Variants in ZFAT observed in about 807,000 individuals in gnomAD.
ZFAT encodes zinc finger and AT-hook domain containing.
Under a neutral mutation model 117.7 loss-of-function variants are expected in ZFAT, and 64 were observed. That is an observed-to-expected ratio of 0.54 (90% CI 0.44 to 0.67). ZFAT has a LOEUF of 0.67. ZFAT is among the 30% of genes least tolerant of loss of function. The probability of loss-of-function intolerance (pLI) is 0.00; values close to 1 mark genes in which losing one functional copy is unlikely to be tolerated. For missense variants in ZFAT, 1,433 were observed against 1,584.5 expected, an observed-to-expected ratio of 0.90 and a Z score of 1.62; for synonymous variants, 679 against 615.0, an observed-to-expected ratio of 1.10 and a Z score of -1.54.
At position 134,501,665 on chromosome 8, in the gene ZFAT, T is replaced by C. The variant is rs187317048; in HGVS notation, c.3492+7954A>G. On this transcript the variant is annotated intron_variant, in intron 15 of 15. Coordinates refer to ENST00000377838, the MANE Select transcript of ZFAT (RefSeq NM_020863.4). Reference sequence around the variant, plus strand: ...AGATGAAATGAAGTCAAAGGAGGCTTTGAAGGGGAAAGGTGAGTGGAAAGA... The same window carrying C: ...AGATGAAATGAAGTCAAAGGAGGCTCTGAAGGGGAAAGGTGAGTGGAAAGA... Among the ~76,000 whole-genome samples, 1,031 of 152,196 alleles carry C rather than the reference T, an allele frequency of 6.8e-3. 6 individuals carry two copies. Among genetic ancestry groups the C allele is most frequent in the Middle Eastern group, 0.014 (4 of 294 alleles).
At chr8:134,493,481 T>C (rs1161716055) in intron 15 of ZFAT, among the ~76,000 whole-genome samples, 2 of 152,236 alleles carry the variant, frequency 1.3e-5, no homozygotes, top group African/African-American at 4.8e-5. Context: ...TGCCCATGAC[T>C]AGAACATCTT....
At chr8:134,573,250 ATGTG>A (rs375435832) in intron 10 of ZFAT, among the ~76,000 whole-genome samples, 1 of 151,870 alleles carries the variant, frequency 6.6e-6, no homozygotes, top group Non-Finnish European at 1.5e-5. Flanking sequence ...GTATGTGTGC[ATGTG>A]TGTGTGTGCC....
At chr8:134,797,337 A>G in the ZFAT span, 1 of 152,314 alleles carries the variant, frequency 6.6e-6, no homozygotes, top group African/African-American at 2.4e-5. Flanking sequence ...ATACCTTTTA[A>G]GTGCCTTTTA....
intron 1 of ZFAT, among the ~76,000 whole-genome samples, chr8:134,682,792 G>C (rs1462926976): frequency 6.6e-6 from 1 of 152,346 alleles, no homozygotes; most frequent in Non-Finnish European, 1.5e-5. Flanking sequence ...TCCCTCCCCT[G>C]TAAGGCCCTT....
At chr8:134,489,210 A>G (rs75185403) in intron 15 of ZFAT, among the ~76,000 whole-genome samples, 2,570 of 152,144 alleles carry the variant, frequency 0.017, 76 homozygotes, top group African/African-American at 0.058. Context: ...AGGAGGCAGA[A>G]AGCCTCCAGG....
At chr8:134,732,460 C>T in the ZFAT span, among the ~76,000 whole-genome samples, 15 of 152,142 alleles carry the variant, frequency 9.9e-5, no homozygotes, top group Admixed American at 6.5e-4. Context: ...AGACCATTCT[C>T]CTATCAGGAG....
the ZFAT span, chr8:134,796,425 A>G: frequency 6.6e-6 from 1 of 152,244 alleles, no homozygotes; most frequent in Non-Finnish European, 1.5e-5. Context: ...ATCTGCAGTA[A>G]AGAACTGCTG....
At chr8:134,712,786 G>A (rs1814069541) in intron 1 of ZFAT, 59 bp downstream of exon 1, 2 of 1,397,594 alleles carry the variant, frequency 1.4e-6, no homozygotes, top group Non-Finnish European at 1.9e-6. Flanking sequence ...ACGGCTTTCC[G>A]CGCGCCGCGC....
At chr8:134,818,445 T>C in the ZFAT span, among the ~76,000 whole-genome samples, 13 of 152,120 alleles carry the variant, frequency 8.5e-5, no homozygotes, top group Admixed American at 3.3e-4. Context: ...TGGCAATAAT[T>C]AAAAAGACTG....
chr8:134,522,822 A>G (rs1024898902), intron 12 of ZFAT, among the ~76,000 whole-genome samples: 10 of 152,152 alleles, frequency 6.6e-5, no homozygotes, highest in Non-Finnish European at 1.3e-4. Context: ...GCAATTCTCC[A>G]TCCATCTCAT....
intron 1 of ZFAT, among the ~76,000 whole-genome samples, chr8:134,665,177 T>C (rs750494717): frequency 1.3e-5 from 2 of 152,172 alleles, no homozygotes; most frequent in African/African-American, 2.4e-5. Flanking sequence ...TATGAATTCA[T>C]AGGCCCTGAG....
rs185798624 is a variant in ZFAT at position 134,545,988 on chromosome 8, C to T, written c.2977-13016G>A. The stretch of plus-strand genomic sequence containing the variant: ...GGCCCCCTTCACAAGGTTTTTATGA[C>T]GACTATAGAGAACTTACATTAAATG... On this transcript the variant is annotated intron_variant, in intron 11 of 15. Coordinates refer to ENST00000377838, the MANE Select transcript of ZFAT (RefSeq NM_020863.4). 3.0e-4 allele frequency among the ~76,000 whole-genome samples: 45 copies of T among 152,262 alleles called. 1 individual carries two copies. The highest frequency in any genetic ancestry group is 7.9e-4 in the African/African-American group (33 of 41,526).
In ZFAT at chr8:134,508,412, C is replaced by T. The variant is rs189109062; in HGVS notation, c.3492+1207G>A. 1.1e-4 allele frequency among the ~76,000 whole-genome samples: 17 copies of T among 152,290 alleles called. No homozygotes were observed. The East Asian group carries it at 3.3e-3, about 29-fold the overall frequency. On this transcript the variant is annotated intron_variant, in intron 15 of 15. Transcript: ENST00000377838. ...TTTGTTAGTGCCAAGAAAAGCTAAC[C>T]CCCTTCCTGAGTTAACTGTTTAACG...
intron 1 of ZFAT, among the ~76,000 whole-genome samples, chr8:134,661,483 G>A (rs1831927790): frequency 2.0e-5 from 3 of 152,080 alleles, no homozygotes; most frequent in Non-Finnish European, 1.5e-5. Context: ...TTCTGCAATG[G>A]CCCCATCACA....
chr8:134,704,659 TAAAC>T (rs1834100942), intron 1 of ZFAT, among the ~76,000 whole-genome samples: 1 of 152,124 alleles, frequency 6.6e-6, no homozygotes, highest in African/African-American at 2.4e-5. Context: ...TGATAAAGAA[TAAAC>T]AAATAGAGCA....
chr8:134,613,326 A>G (rs760855964), intron 3 of ZFAT, among the ~76,000 whole-genome samples: 1 of 152,134 alleles, frequency 6.6e-6, no homozygotes, highest in African/African-American at 2.4e-5. Flanking sequence ...AGAGATCACC[A>G]CGCTCTGCAA....
rs1827202690 is a variant in ZFAT at position 134,599,173 on chromosome 8, G to A, written c.2475+1263C>T. ...TGCCTTCACATGCTACTCAAAGAGA[G>A]AGAGACAGAAAGAAAAGGAAGGACA... On this transcript the variant is annotated intron_variant, in intron 7 of 15. Transcript: ENST00000377838. The A allele has an allele frequency of 1.3e-5, 2 of 152,298 alleles. 1 individual carries two copies. The highest frequency in any genetic ancestry group is 4.1e-4 in the South Asian group (2 of 4,830). The allele number at this position is 152,298 out of a possible 1,614,324, so 9.4% of individuals were successfully genotyped here.
intron 2 of ZFAT, among the ~76,000 whole-genome samples, chr8:134,647,862 G>C (rs1472448371): frequency 6.6e-6 from 1 of 151,990 alleles, no homozygotes; most frequent in African/African-American, 2.4e-5. Flanking sequence ...CAAATAAATG[G>C]AAAGATATCC....
intron 15 of ZFAT, among the ~76,000 whole-genome samples, chr8:134,495,387 T>C (rs532340179): frequency 8.1e-4 from 124 of 152,216 alleles, no homozygotes; most frequent in African/African-American, 2.8e-3. Flanking sequence ...CACGACCTAA[T>C]CATCTCCCAA....
Sources: allele counts gnomAD v4.1 joint callset (sites outside exome capture counted in the v4.1 genomes callset), GRCh38; gene constraint gnomAD v4.1.1; transcripts MANE v1.5; gene names NCBI Gene and HGNC (gene_info 2026-07-23, HGNC 2026-07-21).